Variants in ELP6 observed in about 807,000 individuals in gnomAD.
ELP6 encodes the protein elongator complex protein 6.
Under a neutral mutation model 28.1 loss-of-function variants are expected in ELP6, and 23 were observed. The ratio of observed to expected loss-of-function variants is 0.82; its 90% CI spans 0.59 to 1.16. The LOEUF (loss-of-function observed/expected upper bound fraction) is 1.16. ELP6 is among the 50% of genes most tolerant of loss of function. The pLI, the probability that ELP6 is intolerant of heterozygous loss-of-function variation, is 0.00. For synonymous variants in ELP6, 132 were observed against 135.8 expected (o/e 0.97, Z 0.19); for missense variants, 313 against 334.6 (o/e 0.94, Z 0.50).
At chr3:47,511,889 T>G in intron 1 of ELP6, 1 of 985,396 alleles carries the variant, frequency 1.0e-6, no homozygotes, top group East Asian at 1.1e-4. Flanking sequence ...TGCCACCTCC[T>G]TGCCGTGTGA....
Position 47,503,433 on chromosome 3 carries a change from A to C in ELP6, c.323+897T>G, listed in dbSNP as rs931814280. ...ATGTTGAATACCAAACCAGGGGAAA[A>C]ATTTTTTCTTAAATGTCTGAAAAGT... On this transcript the variant is annotated intron_variant, in intron 4 of 6. Coordinates refer to ENST00000296149, the MANE Select transcript of ELP6 (RefSeq NM_001031703.3). 7 of 1,289,550 alleles carry C rather than the reference A, an allele frequency of 5.4e-6. No homozygotes were observed. The Admixed American group carries it at 1.4e-4, about 25-fold the overall frequency. 79.9% of individuals were successfully genotyped at this position (1,289,550 alleles called of 1,614,324 possible). A position where few individuals can be genotyped will look rare whatever the true frequency, so the allele number is the denominator to read the frequency against.
intron 4 of ELP6, chr3:47,503,239 C>A: frequency 1.7e-6 from 2 of 1,205,162 alleles, no homozygotes; most frequent in East Asian, 5.9e-5. Flanking sequence ...CTCACACCCA[C>A]TGCATAAGGG....
In ELP6 at chr3:47,495,988, G is replaced by A; in HGVS notation, c.*81C>T. 1 of 1,606,176 alleles carries A rather than the reference G, an allele frequency of 6.2e-7. No homozygotes were observed. Among genetic ancestry groups the A allele is most frequent in the Non-Finnish European group, 8.5e-7 (1 of 1,176,764 alleles). On this transcript the variant is annotated 3_prime_UTR_variant, in exon 7 of 7. Transcript: ENST00000296149. The stretch of plus-strand genomic sequence containing the variant: ...CAGCCTGAAATATTACTACAGAGGA[G>A]AAAGACCCATTCTTGCTATGTTGCT...
chr3:47,513,023 C>T (rs2029912192), intron 1 of ELP6: 1 of 982,054 alleles, frequency 1.0e-6, no homozygotes, highest in South Asian at 4.6e-5. Flanking sequence ...TGGAGTCCCG[C>T]TCTGTCGCCC....
chr3:47,510,726 T>G (rs999971460), intron 2 of ELP6, among the ~76,000 whole-genome samples: 3 of 152,192 alleles, frequency 2.0e-5, no homozygotes, highest in African/African-American at 7.2e-5. Flanking sequence ...TCCCGAATGC[T>G]GGGATTATAG....
At position 47,496,017 on chromosome 3, in the gene ELP6, T is replaced by A; in HGVS notation, c.*52A>T. 6.2e-7 allele frequency: 1 copy of A among 1,612,262 alleles called. No homozygotes were observed. Among genetic ancestry groups the A allele is most frequent in the Admixed American group, 1.7e-5 (1 of 59,530 alleles). ...GACCCATTCTTGCTATGTTGCTCTA[T>A]CTTCCACGTCCAAAAACAGTCCTAT... On this transcript the variant is annotated 3_prime_UTR_variant, in exon 7 of 7. Transcript: ENST00000296149.
At chr3:47,510,342 G>A in intron 2 of ELP6, 88 bp from the exon 3 acceptor site, 1 of 1,127,774 alleles carries the variant, frequency 8.9e-7, no homozygotes, top group Admixed American at 2.2e-5. Flanking sequence ...AAGCACTGAG[G>A]CAAATCTAGA....
Position 47,501,667 on chromosome 3 carries a change from C to T in ELP6, c.508G>A (p.Val170Met), listed in dbSNP as rs368378749. ...LDFIHYCRAT[V>M]CWELKGNMVV... ...ATGAGTACCTTTAGTTCCCAGCACA[C>T]GGTGGCTCTGCAGTAGTGAATGAAG... Residue 170 changes from valine to methionine, a missense_variant, in exon 5 of 7, where the codon GTG (valine) becomes ATG (methionine). Physicochemically the swap from Val to Met is conservative, Grantham distance 21. Transcript: ENST00000296149. 14 of 1,614,064 alleles carry T rather than the reference C, an allele frequency of 8.7e-6. No individual in the cohort carries two copies. The highest frequency in any genetic ancestry group is 3.3e-5 in the Admixed American group (2 of 60,000).
rs1709004626 is a variant in ELP6 at position 47,511,141 on chromosome 3, C to G, written c.133+7G>C. The G allele has an allele frequency of 6.2e-7, 1 of 1,612,702 alleles. No homozygotes were observed. Among genetic ancestry groups the G allele is most frequent in the East Asian group, 2.2e-5 (1 of 44,888 alleles). ...TTTCTTTTCTACAGCATCAATGAGT[C>G]CCATACCTTTGAGATAGAAGGAGAG... is the stretch of plus-strand genomic sequence containing the variant. On this transcript the variant is annotated splice_region_variant and intron_variant, in intron 2 of 6. Coordinates refer to ENST00000296149, the MANE Select transcript of ELP6 (RefSeq NM_001031703.3).
intron 3 of ELP6, among the ~76,000 whole-genome samples, chr3:47,508,684 T>C (rs1470220723): frequency 6.6e-6 from 1 of 152,060 alleles, no homozygotes; most frequent in Non-Finnish European, 1.5e-5. Flanking sequence ...TAGTTCTTCT[T>C]ATACATTTCT....
intron 5 of ELP6, chr3:47,500,310 G>A (rs4383546): frequency 0.97 from 925,492 of 951,134 alleles, 454,903 homozygotes; most frequent in East Asian, 1. Context: ...TATACTTTGA[G>A]AGGCCGAGGC....
At chr3:47,511,805 G>C (rs927795947) in intron 1 of ELP6, 2 of 988,866 alleles carry the variant, frequency 2.0e-6, no homozygotes, top group Non-Finnish European at 2.4e-6. Context: ...TCTCTGCAGA[G>C]CCTGACTGTC....
intron 3 of ELP6, among the ~76,000 whole-genome samples, chr3:47,507,620 AC>A (rs1708879255): frequency 6.8e-6 from 1 of 147,588 alleles, no homozygotes; most frequent in African/African-American, 2.5e-5. Context: ...ACATAGGGAG[AC>A]CCATTCTCCA....
intron 4 of ELP6, among the ~76,000 whole-genome samples, chr3:47,502,922 C>T (rs540631232): frequency 3.3e-5 from 5 of 152,284 alleles, no homozygotes; most frequent in East Asian, 1.9e-4. Context: ...CTTCTGTATA[C>T]GTAACAGATT....
At chr3:47,502,718 T>C (rs1210602847) in intron 4 of ELP6, among the ~76,000 whole-genome samples, 1 of 151,900 alleles carries the variant, frequency 6.6e-6, no homozygotes, top group African/African-American at 2.4e-5. Context: ...TACGCCCCTG[T>C]AGTCCCAGCT....
intron 3 of ELP6, among the ~76,000 whole-genome samples, chr3:47,508,955 AG>A (rs1296167764): frequency 6.6e-6 from 1 of 151,988 alleles, no homozygotes; most frequent in Non-Finnish European, 1.5e-5. Context: ...TAGTAGAGAC[AG>A]GGTTTCACCG....
intron 3 of ELP6, 44 bp downstream of exon 3, chr3:47,510,140 C>T (rs540067743): frequency 7.0e-7 from 1 of 1,430,678 alleles, no homozygotes; most frequent in South Asian, 1.1e-5. Flanking sequence ...GTGTGACACA[C>T]ACACTCACTC....
chr3:47,512,887 C>A lies in ELP6; in HGVS notation c.54+650G>T. 7.1e-6 allele frequency: 7 copies of A among 985,690 alleles called. No individual in the cohort carries two copies. The South Asian group carries it at 3.3e-4, about 46-fold the overall frequency. 61.1% of individuals were successfully genotyped at this position (985,690 alleles called of 1,614,324 possible). On this transcript the variant is annotated intron_variant, in intron 1 of 6. Coordinates refer to ENST00000296149, the MANE Select transcript of ELP6 (RefSeq NM_001031703.3). ...CCTCTCGGGCCTATTCTGCAGTCTC[C>A]TCTGAGCGCCTGGGACCCCCCACCC...
chr3:47,512,991 C>CT (rs35559100), intron 1 of ELP6: 16,979 of 914,320 alleles, frequency 0.019, 1 homozygote, highest in Middle Eastern at 0.029. Context: ...TTCCCAGGTA[C>CT]TTTTTTTTTT....
Sources: allele counts gnomAD v4.1 joint callset (sites outside exome capture counted in the v4.1 genomes callset), GRCh38; gene constraint gnomAD v4.1.1; transcripts MANE v1.5; gene names NCBI Gene and HGNC (gene_info 2026-07-23, HGNC 2026-07-21).